The following STRN3 variants were observed in gnomAD, a reference collection of about 807,000 sequenced individuals.
The protein encoded by STRN3 is striatin 3.
Under a neutral mutation model 95.6 loss-of-function variants are expected in STRN3, and 29 were observed. The ratio of observed to expected loss-of-function variants is 0.30; its 90% confidence interval spans 0.23 to 0.41. The LOEUF is 0.41. STRN3 is among the 10% of genes least tolerant of loss of function. The probability of loss-of-function intolerance (pLI) is 1.00; values close to 1 mark genes in which losing one functional copy is unlikely to be tolerated. For missense variants in STRN3, 890 were observed against 972.1 expected, an observed-to-expected ratio of 0.92 and a Z score of 1.12; for synonymous variants, 331 against 357.6, an observed-to-expected ratio of 0.93 and a Z score of 0.84.
At chr14:30,997,223 G>A (rs1882244290) in intron 1 of STRN3, among the ~76,000 whole-genome samples, 1 of 152,128 alleles carries the variant, frequency 6.6e-6, no homozygotes, top group African/African-American at 2.4e-5. Flanking sequence ...GGGGACATGA[G>A]CAGATTAACT....
intron 16 of STRN3, among the ~76,000 whole-genome samples, chr14:30,901,108 ATAAAAATAG>A (rs1293490409): frequency 6.6e-6 from 1 of 152,164 alleles, no homozygotes; most frequent in African/African-American, 2.4e-5. Flanking sequence ...TATCGGTTTC[ATAAAAATAG>A]TTCAAAGGAT....
intron 1 of STRN3, among the ~76,000 whole-genome samples, chr14:30,976,200 C>T (rs998295274): frequency 9.9e-5 from 15 of 151,984 alleles, no homozygotes; most frequent in African/African-American, 3.4e-4. Context: ...CAGAAAATAA[C>T]AAAAAGTAAA....
At chr14:30,971,273 C>T (rs1880814819) in intron 1 of STRN3, among the ~76,000 whole-genome samples, 2 of 152,184 alleles carry the variant, frequency 1.3e-5, no homozygotes, top group Non-Finnish European at 2.9e-5. Context: ...ATCCCTTTCA[C>T]CCTGCCATTT....
intron 1 of STRN3, among the ~76,000 whole-genome samples, chr14:30,994,592 C>T (rs1882112771): frequency 6.6e-6 from 1 of 151,848 alleles, no homozygotes; most frequent in Non-Finnish European, 1.5e-5. Context: ...AATATAAACA[C>T]AAAACCAAAT....
At chr14:30,902,841 T>C (rs765870846) in intron 15 of STRN3, among the ~76,000 whole-genome samples, 198 bp from the exon 16 acceptor site, 1 of 152,180 alleles carries the variant, frequency 6.6e-6, no homozygotes, top group South Asian at 2.1e-4. Context: ...TCCTATAATA[T>C]AGACTGTACT....
Position 30,997,057 on chromosome 14 carries a change from C to A in STRN3, c.282+28847G>T, listed in dbSNP as rs189505103. ...TGAAAGCCAGAAGGTTCTTTGGTAG[C>A]ATAAAAAGACACTCATTTCAAACAG... On this transcript the variant is annotated intron_variant, in intron 1 of 17. Coordinates refer to ENST00000357479, the MANE Select transcript of STRN3 (RefSeq NM_001083893.2). Among the ~76,000 whole-genome samples, 27 of 151,844 alleles carry A rather than the reference C, an allele frequency of 1.8e-4. No individual in the cohort carries two copies. The East Asian group carries it at 4.5e-3, about 25-fold the overall frequency.
chr14:31,024,658 GATGC>G (rs1883698699), intron 1 of STRN3, among the ~76,000 whole-genome samples: 1 of 152,096 alleles, frequency 6.6e-6, no homozygotes. Context: ...AAACTAAAGA[GATGC>G]ATATTTGAGG....
In STRN3 at chr14:30,997,232, C is replaced by A. The variant is rs530434800; in HGVS notation, c.282+28672G>T. 2.1e-4 allele frequency among the ~76,000 whole-genome samples: 32 copies of A among 152,252 alleles called. No individual in the cohort carries two copies. In the South Asian group the frequency reaches 6.0e-3, roughly 29 times the overall value. The stretch of plus-strand genomic sequence containing the variant: ...TGGGAGGGGGACATGAGCAGATTAA[C>A]TTAAAAATCTTCAATCCCCAGTGTA... On this transcript the variant is annotated intron_variant, in intron 1 of 17. Transcript: ENST00000357479.
chr14:30,932,238 G>A (rs1032171335), intron 7 of STRN3: 1 of 152,020 alleles, frequency 6.6e-6, no homozygotes, highest in African/African-American at 2.4e-5. Flanking sequence ...TTGCACTCCA[G>A]CCTGGGTAAC....
chr14:31,026,090 G>A lies in STRN3; in HGVS notation c.96C>T (p.Pro32=), dbSNP rs1883887265. The change falls in exon 1 of 18, where the codon CCC becomes CCT. Residue 32 remains proline, a synonymous_variant. Transcript: ENST00000357479. The part of the protein sequence containing the change: ...QGPGGNLGLS[P]GGNGAAGGGG... ...CGCCGCCCGCCGCTCCGTTCCCCCC[G>A]GGCGAAAGGCCCAGGTTCCCCCCAG... The A allele has an allele frequency of 5.9e-6, 9 of 1,528,406 alleles. No individual in the cohort carries two copies. Among genetic ancestry groups the A allele is most frequent in the Non-Finnish European group, 7.0e-6 (8 of 1,138,622 alleles). 94.7% of individuals were successfully genotyped at this position (1,528,406 alleles called of 1,614,324 possible).
intron 5 of STRN3, among the ~76,000 whole-genome samples, chr14:30,938,872 C>T (rs1878955663): frequency 6.6e-6 from 1 of 152,118 alleles, no homozygotes; most frequent in Non-Finnish European, 1.5e-5. Context: ...TGCTCAACAT[C>T]ATTAGTCTTT....
intron 1 of STRN3, among the ~76,000 whole-genome samples, chr14:30,991,614 T>C (rs1039883685): frequency 2.6e-5 from 4 of 151,894 alleles, no homozygotes; most frequent in African/African-American, 7.3e-5. Flanking sequence ...GAGGAAACAG[T>C]ATGTGTGAAG....
chr14:30,924,969 T>C (rs1896986223), intron 8 of STRN3, among the ~76,000 whole-genome samples: 1 of 152,170 alleles, frequency 6.6e-6, no homozygotes, highest in African/African-American at 2.4e-5. Context: ...TCTCACAAAA[T>C]TTTCTTAAGT....
intron 1 of STRN3, among the ~76,000 whole-genome samples, chr14:30,962,575 C>G (rs1319110522): frequency 6.6e-6 from 1 of 152,156 alleles, no homozygotes; most frequent in Non-Finnish European, 1.5e-5. Context: ...ACTCTGTCAC[C>G]CAGGCCACAG....
intron 1 of STRN3, among the ~76,000 whole-genome samples, chr14:30,993,254 C>CA (rs35552314): frequency 0.67 from 86,351 of 129,456 alleles, 28,066 homozygotes; most frequent in Non-Finnish European, 0.71. Flanking sequence ...GACACTGTCT[C>CA]AAAAAAAAAA....
At chr14:30,933,164 A>G in intron 7 of STRN3, among the ~76,000 whole-genome samples, 1 of 150,834 alleles carries the variant, frequency 6.6e-6, no homozygotes, top group East Asian at 2.0e-4. Flanking sequence ...CTGTGGTCTC[A>G]GTTATTCAGG....
intron 5 of STRN3, among the ~76,000 whole-genome samples, chr14:30,939,901 A>G (rs1041794140): frequency 1.3e-5 from 2 of 152,126 alleles, no homozygotes; most frequent in African/African-American, 4.8e-5. Context: ...ACATCAGTTT[A>G]CTTTTGGCTT....
At chr14:30,995,183 C>T (rs930636892) in intron 1 of STRN3, among the ~76,000 whole-genome samples, 2 of 152,118 alleles carry the variant, frequency 1.3e-5, no homozygotes, top group Non-Finnish European at 2.9e-5. Context: ...TCATCTTCCA[C>T]GAAAGTTAAA....
intron 1 of STRN3, among the ~76,000 whole-genome samples, chr14:31,004,178 G>C (rs559112567): frequency 1.3e-5 from 2 of 152,006 alleles, no homozygotes; most frequent in East Asian, 1.9e-4. Context: ...CCAGCTACTC[G>C]GGAGGCTGAG....
Sources: gnomAD v4.1 joint callset for allele counts (sites outside exome capture counted in the v4.1 genomes callset) on GRCh38, gnomAD v4.1.1 for gene constraint, MANE v1.5 for transcripts, NCBI Gene and HGNC (gene_info 2026-07-23, HGNC 2026-07-21) for gene names.